The following EVC variants were observed in gnomAD, a reference collection of about 807,000 sequenced individuals.
EVC encodes EvC ciliary complex subunit 1.
EVC carries 116 observed loss-of-function variants against 118.9 expected under a neutral mutation model. The ratio of observed to expected loss-of-function variants is 0.98; its 90% CI spans 0.84 to 1.14. The LOEUF (loss-of-function observed/expected upper bound fraction) is 1.14, where lower values mean the gene tolerates loss of function less well. Ranked by LOEUF, EVC falls within the 50% of genes most tolerant of loss-of-function variation. EVC has a pLI of 0.00. For synonymous variants in EVC, 619 were observed against 534.7 expected (o/e 1.16, Z -2.18); for missense variants, 1,401 against 1,246.4 (o/e 1.12, Z -1.87).
intron 15 of EVC, chr4:5,801,722 C>T (rs1715015801): frequency 1.9e-6 from 1 of 519,930 alleles, no homozygotes; most frequent in African/African-American, 1.9e-5. Flanking sequence ...AGCCGACTTT[C>T]CCTAACATCG....
At chr4:5,765,935 A>G (rs1401980186) in intron 11 of EVC, among the ~76,000 whole-genome samples, 7 of 134,044 alleles carry the variant, frequency 5.2e-5, no homozygotes, top group Non-Finnish European at 1.6e-5. Flanking sequence ...TGTGAATTTG[A>G]TCCTGTCATT....
At chr4:5,750,283 C>T (rs902059021) in intron 8 of EVC, among the ~76,000 whole-genome samples, 3 of 152,098 alleles carry the variant, frequency 2.0e-5, no homozygotes, top group African/African-American at 4.8e-5. Flanking sequence ...GACTTTTCTT[C>T]CTATATTTTT....
At chr4:5,795,340 A>T (rs1454579635) in intron 13 of EVC, among the ~76,000 whole-genome samples, 1 of 152,198 alleles carries the variant, frequency 6.6e-6, no homozygotes, top group East Asian at 1.9e-4. Context: ...GGAATTGGAT[A>T]ATACAAGGGA....
chr4:5,726,021 G>A (rs4643753), intron 2 of EVC, among the ~76,000 whole-genome samples: 116,159 of 152,134 alleles, frequency 0.76, 44,463 homozygotes, highest in Admixed American at 0.81. Context: ...ACAGGGCATC[G>A]CGGTGCAGCT....
At chr4:5,759,961 AC>A (rs1370210543) in intron 11 of EVC, among the ~76,000 whole-genome samples, 1 of 151,242 alleles carries the variant, frequency 6.6e-6, no homozygotes, top group Non-Finnish European at 1.5e-5. Context: ...GAAAGGTGGG[AC>A]AACTTGAAGC....
chr4:5,733,500 T>G (rs1043186520), intron 5 of EVC, 65 bp downstream of exon 5: 2 of 1,366,984 alleles, frequency 1.5e-6, no homozygotes, highest in Non-Finnish European at 2.1e-6. Flanking sequence ...AAGGACTCTG[T>G]GTGCAGTGAG....
rs530711701 is a variant in EVC at position 5,749,014 on chromosome 4, A to G, written c.1098+708A>G. On this transcript the variant is annotated intron_variant, in intron 8 of 20. Transcript: ENST00000264956. This position sits in a 1 kb window ranked among gnomAD's most constrained non-coding sequence, Gnocchi z 4.4. The stretch of plus-strand genomic sequence containing the variant: ...GCATTGGGGTTTTTAGAGCTCCCCA[A>G]TGACGATGGTGGGAGCTGGGGTTGA... 1.7e-4 allele frequency among the ~76,000 whole-genome samples: 26 copies of G among 152,172 alleles called. No individual in the cohort carries two copies. The East Asian group carries it at 2.1e-3, about 13-fold the overall frequency.
Position 5,797,176 on chromosome 4 carries a change from G to A in EVC, c.2041G>A (p.Glu681Lys), listed in dbSNP as rs201877358. The A allele has an allele frequency of 5.0e-5, 80 of 1,613,414 alleles. No homozygotes were observed. In the East Asian group the frequency reaches 1.7e-3, roughly 35 times the overall value. The change falls in exon 14 of 21, where the codon GAG (glutamate) becomes AAG (lysine). Residue 681 changes from glutamate (E) to lysine (K), a missense_variant. Coordinates refer to ENST00000264956, the MANE Select transcript of EVC (RefSeq NM_153717.3). ...LQELREQRALEQGSSQCLDEH... is the reference protein window; with the variant it reads ...LQELREQRALKQGSSQCLDEH... ...GGAGCTGCGGGAACAGCGTGCACTG[G>A]AGCAGGGGTCCTCCCAGTGCCTGGA...
At chr4:5,732,256 G>T (rs111335292) in intron 4 of EVC, among the ~76,000 whole-genome samples, 1 of 115,250 alleles carries the variant, frequency 8.7e-6, no homozygotes, top group Non-Finnish European at 2.0e-5. Context: ...GCTCAGTCTG[G>T]CGGGTTCACA....
intron 11 of EVC, among the ~76,000 whole-genome samples, chr4:5,773,610 C>T (rs1734301694): frequency 6.6e-6 from 1 of 152,042 alleles, no homozygotes; most frequent in Admixed American, 6.6e-5. Context: ...GACTGGGAGG[C>T]GGTGCGCTGA....
the EVC span, chr4:5,824,603 A>G: frequency 1.1e-6 from 1 of 952,034 alleles, no homozygotes; most frequent in African/African-American, 1.8e-5. Flanking sequence ...CTGTTTCTGT[A>G]CGATCCATGA....
chr4:5,732,893 C>A (rs1006143891), intron 4 of EVC, among the ~76,000 whole-genome samples: 5 of 151,994 alleles, frequency 3.3e-5, no homozygotes. Flanking sequence ...GCCTGTAGTC[C>A]GAGCTACACG....
intron 16 of EVC, 82 bp from the exon 17 acceptor site, chr4:5,804,648 C>A: frequency 8.4e-7 from 1 of 1,197,400 alleles, no homozygotes; most frequent in Non-Finnish European, 1.2e-6. Context: ...CTCACTCACC[C>A]TGCACCCCAG....
Position 5,798,984 on chromosome 4 carries a change from CGCA to C in EVC, c.2304+197_2304+199del, listed in dbSNP as rs1714489975. The stretch of plus-strand genomic sequence containing the variant: ...CCCTCGCAGAATGGGGAGGGGCAGT[CGCA>C]GCAGATCACCGGTTCTCCCCCTGCT... On this transcript the variant is annotated intron_variant, in intron 15 of 20. Transcript: ENST00000264956. This position sits in a 1 kb window ranked among gnomAD's most constrained non-coding sequence, Gnocchi z 4.1. 6.6e-6 allele frequency among the ~76,000 whole-genome samples: 1 copy of C among 152,122 alleles called. No homozygotes were observed. Among genetic ancestry groups the C allele is most frequent in the Non-Finnish European group, 1.5e-5 (1 of 68,018 alleles).
chr4:5,741,351 G>A (rs368843633), intron 5 of EVC, among the ~76,000 whole-genome samples: 4 of 152,276 alleles, frequency 2.6e-5, no homozygotes, highest in Middle Eastern at 3.4e-3. Context: ...CAACTATCCC[G>A]CTGATTCTTT....
intron 5 of EVC, among the ~76,000 whole-genome samples, chr4:5,740,501 T>C (rs756939190): frequency 4.9e-5 from 7 of 142,896 alleles, no homozygotes; most frequent in Non-Finnish European, 1.1e-4. Context: ...AAAGAAAAAA[T>C]ATAAGAGAAA....
rs368249789 is a variant in EVC at position 5,811,040 on chromosome 4, T to G, written c.*3T>G. ...TAAAGAGAAGAAGCAACTTGTAGTTTAAGACCAGTCGGTGGGACAAGACCT... is the reference window on the plus strand; with the variant it reads ...TAAAGAGAAGAAGCAACTTGTAGTTGAAGACCAGTCGGTGGGACAAGACCT... On this transcript the variant is annotated 3_prime_UTR_variant, in exon 21 of 21. Coordinates refer to ENST00000264956, the MANE Select transcript of EVC (RefSeq NM_153717.3). 1.2e-4 allele frequency: 194 copies of G among 1,609,020 alleles called. 1 individual carries two copies. The African/African-American group carries it at 2.5e-3, about 21-fold the overall frequency.
intron 3 of EVC, 113 bp downstream of exon 3, chr4:5,729,503 A>T: frequency 9.6e-7 from 1 of 1,039,216 alleles, no homozygotes; most frequent in Non-Finnish European, 1.5e-6. Context: ...TGAGGGTTTT[A>T]TGGCAAGTCA....
At chr4:5,713,059 A>G (rs192856097) in intron 1 of EVC, among the ~76,000 whole-genome samples, 1 of 152,178 alleles carries the variant, frequency 6.6e-6, no homozygotes, top group Admixed American at 6.5e-5. Context: ...AGTATCTGCT[A>G]CCTGGTGAGG....
Sources: allele counts gnomAD v4.1 joint callset (sites outside exome capture counted in the v4.1 genomes callset), GRCh38; gene constraint gnomAD v4.1.1; non-coding constraint Gnocchi (gnomAD v3.1); transcripts MANE v1.5; gene names NCBI Gene and HGNC (gene_info 2026-07-23, HGNC 2026-07-21).